P2RY8: variants seen among roughly 807,000 people sequenced by gnomAD.
P2RY8 encodes S-geranylgeranyl-glutathione receptor P2RY8.
In P2RY8, 6 loss-of-function variants were observed where a neutral mutation model predicts 10.0. The observed-to-expected ratio is 0.60, with a 90% CI of 0.33 to 1.19. P2RY8 has a LOEUF of 1.19. Ranked by LOEUF, P2RY8 falls within the 50% of genes most tolerant of loss-of-function variation. The pLI is 0.04. For synonymous variants in P2RY8, 276 were observed against 252.5 expected (o/e 1.09, Z -0.88); for missense variants, 456 against 542.0 (o/e 0.84, Z 1.58).
At position 1,466,378 on chromosome X, in the gene P2RY8, A is replaced by G; in HGVS notation, c.181T>C (p.Phe61Leu). ...RMGPRSPSVIFMINLSVTDLM... is the reference protein window; with the variant it reads ...RMGPRSPSVILMINLSVTDLM... ...TCCGTGACGCTCAGGTTGATCATGA[A>G]GATGACCGACGGGGATCTGGGCCCC... Residue 61 changes from phenylalanine (F) to leucine (L), a missense_variant, in exon 2 of 2, where the codon TTC becomes CTC. Transcript: ENST00000381297. 1 of 1,613,752 alleles carries G rather than the reference A, an allele frequency of 6.2e-7. No individual in the cohort carries two copies. The highest frequency in any genetic ancestry group is 8.5e-7 in the Non-Finnish European group (1 of 1,179,860).
At chrX:1,501,258 T>G (rs28668537) in intron 1 of P2RY8, among the ~76,000 whole-genome samples, 22,765 of 152,144 alleles carry the variant, frequency 0.15, 1,868 homozygotes, top group South Asian at 0.33. Context: ...GACGTAAATA[T>G]CAGACCCCTG....
intron 1 of P2RY8, among the ~76,000 whole-genome samples, chrX:1,505,603 A>G (rs1194549939): frequency 6.6e-6 from 1 of 152,190 alleles, no homozygotes; most frequent in Non-Finnish European, 1.5e-5. Context: ...CAGCCTGGCC[A>G]ACATGGTGAA....
intron 1 of P2RY8, among the ~76,000 whole-genome samples, chrX:1,504,032 A>G (rs1166636041): frequency 6.6e-6 from 1 of 152,034 alleles, no homozygotes; most frequent in Non-Finnish European, 1.5e-5. Context: ...AGATTTGGGA[A>G]TTCTGCTGGA....
rs373672167 is a variant in P2RY8 at position 1,490,436 on chromosome X, G to C, written c.-24-23854C>G. 1.4e-3 allele frequency among the ~76,000 whole-genome samples: 207 copies of C among 149,516 alleles called. 5 individuals carry two copies. The South Asian group carries it at 0.021, about 15-fold the overall frequency. ...CCAGATTCAGTTCTGCAAATGTAGA[G>C]AGAATGAATGAATGATACCCAGATA... On this transcript the variant is annotated intron_variant, in intron 1 of 1. Coordinates refer to ENST00000381297, the MANE Select transcript of P2RY8 (RefSeq NM_178129.5).
chrX:1,488,649 C>T (rs1274765129), intron 1 of P2RY8, among the ~76,000 whole-genome samples: 1 of 152,136 alleles, frequency 6.6e-6, no homozygotes, highest in Non-Finnish European at 1.5e-5. Context: ...CCTCTCCTCC[C>T]CACCAGGTAC....
At chrX:1,530,147 A>G (rs2092462889) in intron 1 of P2RY8, among the ~76,000 whole-genome samples, 2 of 5,382 alleles carry the variant, frequency 3.7e-4, no homozygotes, top group South Asian at 0.17. Flanking sequence ...GTATGTATGT[A>G]TGTATGTATG....
At chrX:1,536,875 C>A (rs1288518806) in intron 1 of P2RY8, 46 bp downstream of exon 1, 3 of 212,696 alleles carry the variant, frequency 1.4e-5, no homozygotes, top group Non-Finnish European at 2.9e-5. Flanking sequence ...CTGTCTTCTC[C>A]CTTGACAGTG....
rs774460893 is a variant in P2RY8, at chrX:1,465,871, C to T, written c.688G>A (p.Glu230Lys). ...AGGCCCACCGCGCGCCTCCGCTGCT[C>T]CCGGCCGTGCGCCTCCTCCGTGCGC... Reference protein sequence around the residue: ...LLRTEEAHGREQRRRAVGLAA... With the variant: ...LLRTEEAHGRKQRRRAVGLAA... Residue 230 changes from glutamate (E) to lysine (K), a missense_variant, in exon 2 of 2, where the codon GAG becomes AAG. Physicochemically the swap from Glu to Lys is moderately conservative, Grantham distance 56. Coordinates refer to ENST00000381297, the MANE Select transcript of P2RY8 (RefSeq NM_178129.5). 1.4e-5 allele frequency: 22 copies of T among 1,612,472 alleles called. No homozygotes were observed. The highest frequency in any genetic ancestry group is 1.7e-4 in the Middle Eastern group (1 of 5,786).
chrX:1,522,838 A>T (rs1180299467), intron 1 of P2RY8, among the ~76,000 whole-genome samples: 15 of 151,766 alleles, frequency 9.9e-5, no homozygotes, highest in African/African-American at 3.6e-4. Flanking sequence ...GGAGGCTAAG[A>T]CAGGCGGATC....
chrX:1,535,598 A>G (rs1603458845), intron 1 of P2RY8, among the ~76,000 whole-genome samples: 2 of 151,822 alleles, frequency 1.3e-5, no homozygotes, highest in African/African-American at 2.4e-5. Context: ...CTGCTTCCCC[A>G]CGGGCTTCAG....
At position 1,474,292 on chromosome X, in the gene P2RY8, T is replaced by A. The variant is rs747634697; in HGVS notation, c.-24-7710A>T. Among the ~76,000 whole-genome samples, 13 of 148,350 alleles carry A rather than the reference T, an allele frequency of 8.8e-5. No homozygotes were observed. The East Asian group carries it at 2.6e-3, about 30-fold the overall frequency. ...GAATGGATGAGGATGGGTAGATGGATGGGTGGATGGATAGATGGGTGGCTG... is the reference window on the plus strand; with the variant it reads ...GAATGGATGAGGATGGGTAGATGGAAGGGTGGATGGATAGATGGGTGGCTG... On this transcript the variant is annotated intron_variant, in intron 1 of 1. Coordinates refer to ENST00000381297, the MANE Select transcript of P2RY8 (RefSeq NM_178129.5).
intron 1 of P2RY8, among the ~76,000 whole-genome samples, chrX:1,534,668 C>G (rs2092511481): frequency 6.6e-6 from 1 of 152,046 alleles, no homozygotes; most frequent in South Asian, 2.1e-4. Flanking sequence ...GATGGAGAGG[C>G]AGGGCTGAAG....
chrX:1,525,310 G>A (rs1370623844), intron 1 of P2RY8, among the ~76,000 whole-genome samples: 6 of 152,196 alleles, frequency 3.9e-5, no homozygotes, highest in South Asian at 2.1e-4. Flanking sequence ...GGATTAAGGT[G>A]TAAGTTAGGA....
intron 1 of P2RY8, among the ~76,000 whole-genome samples, chrX:1,510,184 T>C (rs1484138929): frequency 3.3e-5 from 5 of 152,152 alleles, no homozygotes; most frequent in African/African-American, 4.8e-5. Flanking sequence ...CAATCATCTA[T>C]CATCTAATCT....
At chrX:1,523,655 G>A (rs1285363646) in intron 1 of P2RY8, among the ~76,000 whole-genome samples, 7 of 152,188 alleles carry the variant, frequency 4.6e-5, no homozygotes, top group Middle Eastern at 3.4e-3. Context: ...ATACCACTGC[G>A]TTGTATTGAA....
chrX:1,480,217 A>G (rs1240958262), intron 1 of P2RY8, among the ~76,000 whole-genome samples: 1 of 152,180 alleles, frequency 6.6e-6, no homozygotes, highest in African/African-American at 2.4e-5. Flanking sequence ...GGGTGACAGC[A>G]ACTAGCCTGA....
At chrX:1,499,504 A>T (rs1473996387) in intron 1 of P2RY8, among the ~76,000 whole-genome samples, 1 of 151,862 alleles carries the variant, frequency 6.6e-6, no homozygotes, top group African/African-American at 2.4e-5. Context: ...TGCTTGCCAC[A>T]CCTACTGGTT....
intron 1 of P2RY8, among the ~76,000 whole-genome samples, chrX:1,503,722 C>T (rs1267416061): frequency 6.6e-6 from 1 of 151,838 alleles, no homozygotes; most frequent in East Asian, 2.0e-4. Context: ...TGGCAAAACC[C>T]CGTCTCTGCT....
Position 1,474,592 on chromosome X carries a change from AT to A in P2RY8, c.-24-8011del, listed in dbSNP as rs2091853072. Reference sequence around the variant, plus strand: ...GATGGATGGATGGATGGATGGATGGATGGATGGATGGATGGATAAGTGGGTG... The same window carrying A: ...GATGGATGGATGGATGGATGGATGGAGGATGGATGGATGGATAAGTGGGTG... On this transcript the variant is annotated intron_variant, in intron 1 of 1. Coordinates refer to ENST00000381297, the MANE Select transcript of P2RY8 (RefSeq NM_178129.5). 2.5e-5 allele frequency among the ~76,000 whole-genome samples: 3 copies of A among 120,078 alleles called. No individual in the cohort carries two copies. The South Asian group carries it at 7.9e-4, about 32-fold the overall frequency. 78.8% of individuals were successfully genotyped at this position (120,078 alleles called of 152,430 possible). A position where few individuals can be genotyped will look rare whatever the true frequency, so the allele number is the denominator to read the frequency against.
Sources: gnomAD v4.1 joint callset for allele counts (sites outside exome capture counted in the v4.1 genomes callset) on GRCh38, gnomAD v4.1.1 for gene constraint, MANE v1.5 for transcripts, NCBI Gene and HGNC (gene_info 2026-07-23, HGNC 2026-07-21) for gene names.